Variants in ADAMTS12 observed in about 807,000 individuals in gnomAD.
The protein encoded by ADAMTS12 is ADAM metallopeptidase with thrombospondin type 1 motif 12, also known as A disintegrin and metalloproteinase with thrombospondin motifs 12.
Under a neutral mutation model 167.8 loss-of-function variants are expected in ADAMTS12, and 118 were observed. The observed-to-expected ratio is 0.70, with a 90% CI of 0.61 to 0.82. The LOEUF (loss-of-function observed/expected upper bound fraction) is 0.82. ADAMTS12 is among the 40% of genes least tolerant of loss of function. The pLI, the probability that ADAMTS12 is intolerant of heterozygous loss-of-function variation, is 0.00. For synonymous variants in ADAMTS12, 704 were observed against 716.9 expected (o/e 0.98, Z 0.29); for missense variants, 1,916 against 1,998.8 (o/e 0.96, Z 0.79).
intron 14 of ADAMTS12, among the ~76,000 whole-genome samples, chr5:33,619,989 G>A (rs1011427727): frequency 4.6e-5 from 7 of 152,110 alleles, no homozygotes; most frequent in Admixed American, 2.0e-4. Flanking sequence ...CACTGCATCC[G>A]GCCAATGACT....
intron 1 of ADAMTS12, among the ~76,000 whole-genome samples, chr5:33,885,632 C>T (rs1179767025): frequency 1.3e-5 from 2 of 152,166 alleles, no homozygotes; most frequent in Non-Finnish European, 2.9e-5. Context: ...CATGCCAGTG[C>T]CCCATGATAC....
intron 5 of ADAMTS12, among the ~76,000 whole-genome samples, chr5:33,665,832 CATAAAGATTTATGGG>C (rs1230843151): frequency 1.3e-5 from 2 of 152,126 alleles, no homozygotes; most frequent in African/African-American, 4.8e-5. Flanking sequence ...CTCTGCCTCC[CATAAAGATTTATGGG>C]GATCACATCT....
chr5:33,567,195 T>C (rs1474468807), intron 19 of ADAMTS12, among the ~76,000 whole-genome samples: 1 of 152,284 alleles, frequency 6.6e-6, no homozygotes, highest in African/African-American at 2.4e-5. Flanking sequence ...TTAATGGTTC[T>C]GATATCAATC....
intron 2 of ADAMTS12, among the ~76,000 whole-genome samples, chr5:33,785,301 A>G (rs1202917835): frequency 7.3e-6 from 1 of 136,232 alleles, no homozygotes; most frequent in Non-Finnish European, 1.5e-5. Context: ...CACAGCTTGT[A>G]AAAAAAAAAT....
At chr5:33,843,359 A>G (rs1748817820) in intron 2 of ADAMTS12, among the ~76,000 whole-genome samples, 1 of 152,164 alleles carries the variant, frequency 6.6e-6, no homozygotes, top group South Asian at 2.1e-4. Flanking sequence ...AGCAGTCTGG[A>G]GAATCAATGC....
chr5:33,739,560 C>G (rs2112368465), intron 3 of ADAMTS12, among the ~76,000 whole-genome samples: 1 of 152,342 alleles, frequency 6.6e-6, no homozygotes, highest in South Asian at 2.1e-4. Flanking sequence ...AGTAGGCACT[C>G]AAATCCGTCA....
chr5:33,599,759 G>T (rs1445748279), intron 16 of ADAMTS12, among the ~76,000 whole-genome samples: 1 of 152,136 alleles, frequency 6.6e-6, no homozygotes, highest in Non-Finnish European at 1.5e-5. Flanking sequence ...TTCATCTTCA[G>T]TGATACACTC....
intron 18 of ADAMTS12, among the ~76,000 whole-genome samples, chr5:33,584,765 CTAGAAAAAT>C (rs1747253004): frequency 6.6e-6 from 1 of 152,148 alleles, no homozygotes. Flanking sequence ...GCTGGAAAAC[CTAGAAAAAT>C]TACCACCTAT....
intron 5 of ADAMTS12, among the ~76,000 whole-genome samples, chr5:33,668,962 A>G (rs897780582): frequency 5.3e-5 from 8 of 152,236 alleles, no homozygotes; most frequent in African/African-American, 1.9e-4. Flanking sequence ...GAGAAACTGC[A>G]GACAGCAAGC....
In ADAMTS12 at chr5:33,777,569, CA is replaced by C. The variant is rs1745958612; in HGVS notation, c.490-26022del. On this transcript the variant is annotated intron_variant, in intron 2 of 23. Transcript: ENST00000504830. ...CCATATATGACAGGCCCTCAGCTAACAGACTAAATGGTAAAAAGCTGAAAGC... is the reference window on the plus strand; with the variant it reads ...CCATATATGACAGGCCCTCAGCTAACGACTAAATGGTAAAAAGCTGAAAGC... Among the ~76,000 whole-genome samples the C allele has an allele frequency of 3.9e-5, 6 of 152,134 alleles. No individual in the cohort carries two copies. The South Asian group carries it at 1.2e-3, about 32-fold the overall frequency.
chr5:33,670,959 T>C (rs573109670), intron 5 of ADAMTS12, among the ~76,000 whole-genome samples: 1 of 152,288 alleles, frequency 6.6e-6, no homozygotes, highest in Admixed American at 6.5e-5. Flanking sequence ...TAGGTACATA[T>C]CATAGAATAC....
At chr5:33,743,200 A>G (rs1350675342) in intron 3 of ADAMTS12, among the ~76,000 whole-genome samples, 1 of 152,174 alleles carries the variant, frequency 6.6e-6, no homozygotes, top group Non-Finnish European at 1.5e-5. Context: ...GATGAGGTGG[A>G]TGATAACAAG....
chr5:33,862,929 C>A (rs189956686), intron 2 of ADAMTS12, among the ~76,000 whole-genome samples: 118 of 152,170 alleles, frequency 7.8e-4, no homozygotes, highest in Non-Finnish European at 1.3e-3. Flanking sequence ...TAAACAGAAC[C>A]AACGACAAAA....
At chr5:33,720,311 C>CACACAT (rs1743766584) in intron 3 of ADAMTS12, among the ~76,000 whole-genome samples, 2 of 151,188 alleles carry the variant, frequency 1.3e-5, no homozygotes, top group Non-Finnish European at 2.9e-5. Flanking sequence ...CACACACACA[C>CACACAT]ACGATTGCCA....
chr5:33,785,243 C>G (rs1746285515), intron 2 of ADAMTS12, among the ~76,000 whole-genome samples: 1 of 151,976 alleles, frequency 6.6e-6, no homozygotes, highest in African/African-American at 2.4e-5. Context: ...AGGAGAAACT[C>G]ACTCTACCTT....
rs113828546 is a variant in ADAMTS12, at chr5:33,797,254, T to C, written c.490-45706A>G. ...CTTGAGTGGTCAAGGGTCTGTAATC[T>C]TCCTGGCCAAGCCTGTTGAAGAGGG... On this transcript the variant is annotated intron_variant, in intron 2 of 23. Transcript: ENST00000504830. Among the ~76,000 whole-genome samples, 245 of 152,276 alleles carry C rather than the reference T, an allele frequency of 1.6e-3. 2 individuals are homozygous for C. Among genetic ancestry groups the C allele is most frequent in the Admixed American group, 4.8e-3 (74 of 15,302 alleles).
At chr5:33,590,915 T>C (rs1380274399) in intron 17 of ADAMTS12, among the ~76,000 whole-genome samples, 1 of 151,742 alleles carries the variant, frequency 6.6e-6, no homozygotes, top group Non-Finnish European at 1.5e-5. Flanking sequence ...TTTTTTTTTT[T>C]TCCTGTAAAG....
intron 18 of ADAMTS12, among the ~76,000 whole-genome samples, chr5:33,583,336 T>C (rs1747170956): frequency 6.6e-6 from 1 of 152,226 alleles, no homozygotes; most frequent in Admixed American, 6.5e-5. Context: ...TTCATTCCTA[T>C]GGCTGAATAG....
chr5:33,633,781 C>G (rs572369259), intron 12 of ADAMTS12, among the ~76,000 whole-genome samples: 1 of 152,194 alleles, frequency 6.6e-6, no homozygotes, highest in South Asian at 2.1e-4. Flanking sequence ...TTCTCTGTGC[C>G]GGACATCAAC....
Sources: allele counts gnomAD v4.1 joint callset (sites outside exome capture counted in the v4.1 genomes callset), GRCh38; gene constraint gnomAD v4.1.1; transcripts MANE v1.5; gene names NCBI Gene and HGNC (gene_info 2026-07-23, HGNC 2026-07-21).